RBAK: variants seen among roughly 807,000 people sequenced by gnomAD.
RBAK encodes RB associated KRAB zinc finger.
RBAK carries 39 observed loss-of-function variants against 65.8 expected under a neutral mutation model. The observed-to-expected ratio is 0.59, with a 90% CI of 0.46 to 0.77. The LOEUF (loss-of-function observed/expected upper bound fraction) is 0.77, where lower values mean the gene tolerates loss of function less well. Among genes scored for constraint, RBAK ranks in the 30% least tolerant of loss-of-function variants. The pLI is 0.00. For missense variants in RBAK, 884 were observed against 855.1 expected, an observed-to-expected ratio of 1.03 and a Z score of -0.42; for synonymous variants, 343 against 289.7, an observed-to-expected ratio of 1.18 and a Z score of -1.87.
At position 5,048,701 on chromosome 7, in the gene RBAK, C is replaced by A. The variant is rs1788048719; in HGVS notation, c.15+610C>A. On this transcript the variant is annotated intron_variant, in intron 2 of 4. Coordinates refer to ENST00000396912, the MANE Select transcript of RBAK (RefSeq NM_021163.4). The surrounding 1 kb of genome is among the most constrained non-coding windows in gnomAD (Gnocchi z 4.4). ...TCTCACACTGCTATAGAGAAATAAC[C>A]AAGACTGGGTCATTTATAAAGAAAA... Among the ~76,000 whole-genome samples, 1 of 152,134 alleles carries A rather than the reference C, an allele frequency of 6.6e-6. No individual in the cohort carries two copies. The highest frequency in any genetic ancestry group is 2.4e-5 in the African/African-American group (1 of 41,410).
chr7:5,050,487 T>A (rs1788091786), intron 2 of RBAK, among the ~76,000 whole-genome samples: 1 of 152,238 alleles, frequency 6.6e-6, no homozygotes, highest in Admixed American at 6.5e-5. Flanking sequence ...CTATTGACTG[T>A]TGATTATTGC....
intron 2 of RBAK, among the ~76,000 whole-genome samples, chr7:5,049,585 C>G (rs1788070316): frequency 6.6e-6 from 1 of 152,218 alleles, no homozygotes; most frequent in South Asian, 2.1e-4. Flanking sequence ...GACCCTTTGT[C>G]TGCCTTTGAC....
In RBAK at chr7:5,065,031, C is replaced by T; in HGVS notation, c.1575C>T (p.Ala525=). ...ECGKTFLVNS[A]FDGHQPLPKG... is the part of the protein sequence containing the mutation. ...GGAAAACCTTCCTTGTAAATTCAGC[C>T]TTCGATGGGCACCAGCCACTTCCAA... The change falls in exon 5 of 5, where the codon GCC becomes GCT. Residue 525 remains alanine, a synonymous_variant. Transcript: ENST00000396912. This position sits in a 1 kb window ranked among gnomAD's most constrained non-coding sequence, Gnocchi z 5.3. 2 of 1,613,770 alleles carry T rather than the reference C, an allele frequency of 1.2e-6. No homozygotes were observed. The highest frequency in any genetic ancestry group is 1.7e-6 in the Non-Finnish European group (2 of 1,179,880).
chr7:5,046,194 T>C lies in RBAK; in HGVS notation c.-247T>C. ...CCTGGCCCAGGCTGCCGCTGTACGGTGAGCCCGAGGGAGGCGGATCTGGGT... is the reference window on the plus strand; with the variant it reads ...CCTGGCCCAGGCTGCCGCTGTACGGCGAGCCCGAGGGAGGCGGATCTGGGT... On this transcript the variant is annotated 5_prime_UTR_variant, in exon 1 of 5. Coordinates refer to ENST00000396912, the MANE Select transcript of RBAK (RefSeq NM_021163.4). 4 of 474,446 alleles carry C rather than the reference T, an allele frequency of 8.4e-6. No individual in the cohort carries two copies. The highest frequency in any genetic ancestry group is 6.0e-5 in the South Asian group (4 of 66,224). 29.4% of individuals were successfully genotyped at this position (474,446 alleles called of 1,614,324 possible). A position where few individuals can be genotyped will look rare whatever the true frequency, so the allele number is the denominator to read the frequency against.
At chr7:5,046,558 C>T (rs541592395) in intron 1 of RBAK, among the ~76,000 whole-genome samples, 162 bp downstream of exon 1, 65 of 152,312 alleles carry the variant, frequency 4.3e-4, no homozygotes, top group Non-Finnish European at 8.7e-4. Context: ...ACAGGCGCTG[C>T]ATGGGAAATC....
At chr7:5,058,452 T>A (rs1778982386) in intron 4 of RBAK, among the ~76,000 whole-genome samples, 1 of 152,180 alleles carries the variant, frequency 6.6e-6, no homozygotes, top group South Asian at 2.1e-4. Flanking sequence ...CCTTTTATCT[T>A]CCATTTTCTT....
At chr7:5,046,783 G>C (rs1030791624) in intron 1 of RBAK, among the ~76,000 whole-genome samples, 1 of 152,116 alleles carries the variant, frequency 6.6e-6, no homozygotes, top group African/African-American at 2.4e-5. Flanking sequence ...AGTAATGCAG[G>C]AACAGTCTGC....
chr7:5,064,119 T>G lies in RBAK; in HGVS notation c.663T>G (p.Ile221Met), dbSNP rs1401719706. Residue 221 changes from isoleucine to methionine, a missense_variant, in exon 5 of 5, where the codon ATT (isoleucine) becomes ATG (methionine). Physicochemically the swap from Ile to Met is conservative, Grantham distance 10. Coordinates refer to ENST00000396912, the MANE Select transcript of RBAK (RefSeq NM_021163.4). The surrounding 1 kb of genome is among the most constrained non-coding windows in gnomAD (Gnocchi z 6.3). ...MEALDNEAVF[I>M]AHKRAYIGEK... ...CCTTAGACAATGAGGCTGTTTTTAT[T>G]GCTCATAAGAGAGCTTACATAGGGG... 15 of 1,613,998 alleles carry G rather than the reference T, an allele frequency of 9.3e-6. No individual in the cohort carries two copies. The highest frequency in any genetic ancestry group is 1.3e-5 in the Non-Finnish European group (15 of 1,180,016).
rs1485508131 is a variant in RBAK, at chr7:5,057,797, C to G, written c.238+18C>G. 1.2e-6 allele frequency: 2 copies of G among 1,613,516 alleles called. No individual in the cohort carries two copies. Among genetic ancestry groups the G allele is most frequent in the Admixed American group, 1.7e-5 (1 of 59,958 alleles). On this transcript the variant is annotated intron_variant, in intron 4 of 4. Coordinates refer to ENST00000396912, the MANE Select transcript of RBAK (RefSeq NM_021163.4). ...TAGTCCAGGTAAGTTAGTAGCGTAT[C>G]AAAGGTTAAAAAATGCTCATCCCAG...
intron 1 of RBAK, 98 bp downstream of exon 1, chr7:5,046,494 C>T: frequency 2.5e-6 from 1 of 401,320 alleles, no homozygotes; most frequent in Non-Finnish European, 4.8e-6. Context: ...GGGTCTCGAT[C>T]GCTTGCAGGA....
At chr7:5,061,853 G>A (rs917113911) in intron 4 of RBAK, among the ~76,000 whole-genome samples, 1 of 151,676 alleles carries the variant, frequency 6.6e-6, no homozygotes, top group African/African-American at 2.4e-5. Context: ...AGCCAAAATG[G>A]TGCCATTGTA....
At chr7:5,060,249 G>C (rs1212130703) in intron 4 of RBAK, among the ~76,000 whole-genome samples, 1 of 152,164 alleles carries the variant, frequency 6.6e-6, no homozygotes, top group Non-Finnish European at 1.5e-5. Flanking sequence ...CTAGGTAAAA[G>C]AAAGATCTTT....
In RBAK at chr7:5,057,352, C is replaced by G; in HGVS notation, c.73C>G (p.Leu25Val). 6.2e-7 allele frequency: 1 copy of G among 1,614,016 alleles called. No homozygotes were observed. The highest frequency in any genetic ancestry group is 8.5e-7 in the Non-Finnish European group (1 of 1,180,022). ...TTTCACCCAGGAGGAGTGGCAGCAG[C>G]TGGACCCTGATGAGAAGATAACTTA... ...VDFTQEEWQQ[L>V]DPDEKITYRD... The change falls in exon 3 of 5, where the codon CTG (leucine) becomes GTG (valine). Residue 25 changes from leucine (L) to valine (V), a missense_variant. Physicochemically the swap from Leu to Val is conservative, Grantham distance 32. Transcript: ENST00000396912.
Position 5,057,754 on chromosome 7 carries a change from T to G in RBAK, c.213T>G (p.Gly71=), listed in dbSNP as rs1583458081. Residue 71 remains glycine (G), a synonymous_variant, in exon 4 of 5, where the codon GGT becomes GGG. Coordinates refer to ENST00000396912, the MANE Select transcript of RBAK (RefSeq NM_021163.4). ...GAGAGGAGCCGTGGATAATGGGAGGTGAATTTCCATGTCAACATAGTCCAG... is the reference window on the plus strand; with the variant it reads ...GAGAGGAGCCGTGGATAATGGGAGGGGAATTTCCATGTCAACATAGTCCAG... The part of the protein sequence containing the change: ...EQGEEPWIMG[G]EFPCQHSPEA... The G allele has an allele frequency of 6.2e-7, 1 of 1,613,642 alleles. No homozygotes were observed. Among genetic ancestry groups the G allele is most frequent in the Non-Finnish European group, 8.5e-7 (1 of 1,179,778 alleles).
At chr7:5,053,230 A>G (rs1409481076) in intron 2 of RBAK, among the ~76,000 whole-genome samples, 1 of 152,130 alleles carries the variant, frequency 6.6e-6, no homozygotes. Flanking sequence ...ACGTCTGCAA[A>G]TGTCTTCATT....
At chr7:5,062,622 C>G (rs190904199) in intron 4 of RBAK, among the ~76,000 whole-genome samples, 5 of 152,304 alleles carry the variant, frequency 3.3e-5, no homozygotes, top group East Asian at 1.9e-4. Context: ...AGCAACCGGT[C>G]TGACCAAAAT....
In RBAK at chr7:5,065,481, A is replaced by G; in HGVS notation, c.2025A>G (p.Gly675=). 6.2e-7 allele frequency: 1 copy of G among 1,607,082 alleles called. No individual in the cohort carries two copies. Among genetic ancestry groups the G allele is most frequent in the Non-Finnish European group, 8.5e-7 (1 of 1,174,464 alleles). The change falls in exon 5 of 5, where the codon GGA becomes GGG. Residue 675 remains glycine, a synonymous_variant. Transcript: ENST00000396912. This position sits in a 1 kb window ranked among gnomAD's most constrained non-coding sequence, Gnocchi z 5.3. The stretch of plus-strand genomic sequence containing the variant: ...CTGTACACTATAGAACTCATTCAGG[A>G]GAGAAACCCTATGAATGTAACGAGT... ...YLTVHYRTHS[G]EKPYECNECG... is the part of the protein sequence containing the mutation.
At position 5,048,276 on chromosome 7, in the gene RBAK, G is replaced by A. The variant is rs1326034909; in HGVS notation, c.15+185G>A. On this transcript the variant is annotated intron_variant, in intron 2 of 4. Transcript: ENST00000396912. This position sits in a 1 kb window ranked among gnomAD's most constrained non-coding sequence, Gnocchi z 4.4. Reference sequence around the variant, plus strand: ...CAACCTCCACCTCCTGGGTTCAAGCGATTCTCCTGCCTCAGCCTCCCGAGT... The same window carrying A: ...CAACCTCCACCTCCTGGGTTCAAGCAATTCTCCTGCCTCAGCCTCCCGAGT... 1.3e-5 allele frequency among the ~76,000 whole-genome samples: 2 copies of A among 151,854 alleles called. No homozygotes were observed. The highest frequency in any genetic ancestry group is 2.4e-5 in the African/African-American group (1 of 41,298).
intron 1 of RBAK, among the ~76,000 whole-genome samples, chr7:5,047,442 A>T (rs959900026): frequency 3.6e-4 from 54 of 149,766 alleles, no homozygotes; most frequent in African/African-American, 1.3e-3. Context: ...TATAATGGGA[A>T]TTTTTTTTTT....
Sources: gnomAD v4.1 joint callset for allele counts (sites outside exome capture counted in the v4.1 genomes callset) on GRCh38, gnomAD v4.1.1 for gene constraint, Gnocchi (gnomAD v3.1) non-coding constraint, MANE v1.5 for transcripts, NCBI Gene and HGNC (gene_info 2026-07-23, HGNC 2026-07-21) for gene names.